The following RRP15 variants were observed in gnomAD, a reference collection of about 807,000 sequenced individuals.
RRP15 encodes the protein RRP15-like protein.
RRP15 carries 18 observed loss-of-function variants against 27.1 expected under a neutral mutation model. The observed-to-expected ratio is 0.66, with a 90% CI of 0.46 to 0.98. The LOEUF (loss-of-function observed/expected upper bound fraction) is 0.98, where lower values mean the gene tolerates loss of function less well. Among genes scored for constraint, RRP15 ranks in the 50% least tolerant of loss-of-function variants. The probability of loss-of-function intolerance (pLI) is 0.00; values close to 1 mark genes in which losing one functional copy is unlikely to be tolerated. For synonymous variants in RRP15, 107 were observed against 109.4 expected (o/e 0.98, Z 0.14); for missense variants, 359 against 337.8 (o/e 1.06, Z -0.49).
At chr1:218,320,468 C>T (rs1413740651) in intron 4 of RRP15, among the ~76,000 whole-genome samples, 3 of 152,082 alleles carry the variant, frequency 2.0e-5, no homozygotes, top group African/African-American at 7.2e-5. Context: ...CATTGTTGGA[C>T]ATTTGGCTTG....
chr1:218,308,908 G>T (rs1250804132), intron 4 of RRP15, among the ~76,000 whole-genome samples: 1 of 152,136 alleles, frequency 6.6e-6, no homozygotes, highest in East Asian at 1.9e-4. Flanking sequence ...CAGCAACATT[G>T]GATGGGAAAG....
intron 1 of RRP15, among the ~76,000 whole-genome samples, chr1:218,300,238 G>A (rs1296519880): frequency 6.6e-6 from 1 of 151,908 alleles, no homozygotes; most frequent in Non-Finnish European, 1.5e-5. Flanking sequence ...TTGGCATTTC[G>A]TGTTTTAAGA....
intron 4 of RRP15, among the ~76,000 whole-genome samples, chr1:218,324,082 C>T (rs550110217): frequency 2.0e-5 from 3 of 152,318 alleles, no homozygotes; most frequent in Admixed American, 1.3e-4. Context: ...CCGTCCCAGG[C>T]CCAAGTCCTC....
intron 1 of RRP15, chr1:218,301,668 T>C (rs1655813098): frequency 6.6e-6 from 1 of 152,366 alleles, no homozygotes; most frequent in East Asian, 1.9e-4. Context: ...GTCCTACAAT[T>C]GAATCTAGTA....
intron 2 of RRP15, 45 bp from the exon 3 acceptor site, chr1:218,304,983 C>T (rs1019978509): frequency 6.5e-7 from 1 of 1,540,744 alleles, no homozygotes. Context: ...GCTGCACTTT[C>T]AGAAATATCT....
chr1:218,323,576 G>A (rs77371090), intron 4 of RRP15, among the ~76,000 whole-genome samples: 7,855 of 152,274 alleles, frequency 0.052, 288 homozygotes, highest in South Asian at 0.082. Flanking sequence ...GGCCCTCCCT[G>A]GCCTGAAGGT....
chr1:218,304,063 G>A (rs1655854699), intron 2 of RRP15, among the ~76,000 whole-genome samples: 1 of 152,070 alleles, frequency 6.6e-6, no homozygotes, highest in Admixed American at 6.6e-5. Flanking sequence ...TGAATTGTCT[G>A]GTTAGGAGAA....
chr1:218,301,698 T>C (rs1655813594), intron 1 of RRP15: 1 of 152,220 alleles, frequency 6.6e-6, no homozygotes, highest in South Asian at 2.1e-4. Context: ...CGTTGTTAGA[T>C]AATTTTTTTT....
intron 1 of RRP15, among the ~76,000 whole-genome samples, chr1:218,286,505 C>A (rs1655551119): frequency 6.6e-6 from 1 of 152,210 alleles, no homozygotes; most frequent in African/African-American, 2.4e-5. Flanking sequence ...TGTAACGTAC[C>A]ACCACTACTC....
rs748079606 is a variant in RRP15 at position 218,305,091 on chromosome 1, GAGAC to G, written c.473_476del (p.Thr158ArgfsTer37). 6 of 1,613,828 alleles carry G rather than the reference GAGAC, an allele frequency of 3.7e-6. No homozygotes were observed. In the South Asian group the frequency reaches 5.5e-5, roughly 15 times the overall value. On this transcript the variant is annotated frameshift_variant, in exon 3 of 5. Coordinates refer to ENST00000366932, the MANE Select transcript of RRP15 (RefSeq NM_016052.4). LOFTEE classifies it high-confidence loss of function. ...AAAGCCAGATGTTGTCCAAGACAAA[GAGAC>G]AGAGAGAAATCTTCAGAGAATTGCA...
intron 2 of RRP15, 51 bp downstream of exon 2, chr1:218,302,610 C>A: frequency 6.4e-7 from 1 of 1,569,452 alleles, no homozygotes; most frequent in East Asian, 2.2e-5. Context: ...TAGGCTAGCT[C>A]TTATCTTGAC....
intron 4 of RRP15, among the ~76,000 whole-genome samples, chr1:218,328,600 T>C (rs893179792): frequency 1.7e-4 from 26 of 152,066 alleles, no homozygotes; most frequent in Admixed American, 1.4e-3. Flanking sequence ...GAGGCGGAGC[T>C]TGCAGTGAGC....
intron 1 of RRP15, chr1:218,301,648 C>T (rs1571796782): frequency 6.6e-6 from 1 of 152,224 alleles, no homozygotes; most frequent in South Asian, 2.1e-4. Context: ...TATTTTCATT[C>T]AGTCACTCAG....
rs1210391861 is a variant in RRP15, at chr1:218,336,381, AT to A, written c.*5295del. ...CTCTAACCCTGAATCATTATCCTGC[AT>A]TTTTAATGCAATCGGTTCATAAACA... On this transcript the variant is annotated 3_prime_UTR_variant, in exon 5 of 5. Coordinates refer to ENST00000366932, the MANE Select transcript of RRP15 (RefSeq NM_016052.4). 6.6e-6 allele frequency: 1 copy of A among 152,662 alleles called. No homozygotes were observed. The highest frequency in any genetic ancestry group is 6.5e-5 in the Admixed American group (1 of 15,274). The allele number at this position is 152,662 out of a possible 1,614,324, so 9.5% of individuals were successfully genotyped here.
intron 4 of RRP15, among the ~76,000 whole-genome samples, chr1:218,321,949 A>C (rs1014599136): frequency 6.6e-6 from 1 of 152,182 alleles, no homozygotes; most frequent in Non-Finnish European, 1.5e-5. Flanking sequence ...AGATATAGCA[A>C]ATTGAAATTA....
intron 4 of RRP15, among the ~76,000 whole-genome samples, chr1:218,324,475 A>G (rs1656240432): frequency 6.6e-6 from 1 of 152,156 alleles, no homozygotes; most frequent in South Asian, 2.1e-4. Context: ...GCGGGGCACA[A>G]GGGTTCCAGC....
chr1:218,305,463 T>C (rs1041476275), intron 3 of RRP15, among the ~76,000 whole-genome samples: 5 of 152,246 alleles, frequency 3.3e-5, no homozygotes, highest in Non-Finnish European at 7.3e-5. Flanking sequence ...ATTATATTTA[T>C]GGCATAATAC....
rs1251652076 is a variant in RRP15 at position 218,336,063 on chromosome 1, C to T, written c.*4972C>T. On this transcript the variant is annotated 3_prime_UTR_variant, in exon 5 of 5. Transcript: ENST00000366932. The stretch of plus-strand genomic sequence containing the variant: ...AAGGACATTTTGAGAACTGCCGGAG[C>T]AACAGATACCACCATGTAAGGAGTG... 6.6e-6 allele frequency: 1 copy of T among 152,054 alleles called. No homozygotes were observed. Among genetic ancestry groups the T allele is most frequent in the Non-Finnish European group, 1.5e-5 (1 of 68,008 alleles). 9.4% of individuals were successfully genotyped at this position (152,054 alleles called of 1,614,324 possible). A position where few individuals can be genotyped will look rare whatever the true frequency, so the allele number is the denominator to read the frequency against.
intron 4 of RRP15, among the ~76,000 whole-genome samples, chr1:218,324,570 G>A (rs977489465): frequency 1.1e-4 from 16 of 152,252 alleles, no homozygotes; most frequent in African/African-American, 3.9e-4. Context: ...ACTCCGGATG[G>A]TCGGCCACTG....
Sources: gnomAD v4.1 joint callset for allele counts (sites outside exome capture counted in the v4.1 genomes callset) on GRCh38, gnomAD v4.1.1 for gene constraint, MANE v1.5 for transcripts, NCBI Gene and HGNC (gene_info 2026-07-23, HGNC 2026-07-21) for gene names.